Variants in PHTF2 observed in about 807,000 individuals in gnomAD.
PHTF2 encodes the protein putative homeodomain transcription factor 2.
In PHTF2, 60 loss-of-function variants were observed where a neutral mutation model predicts 101.2. That is an observed-to-expected ratio of 0.59 (90% confidence interval 0.48 to 0.73). The LOEUF (loss-of-function observed/expected upper bound fraction) is 0.73. PHTF2 is among the 30% of genes least tolerant of loss of function. The pLI, the probability that PHTF2 is intolerant of heterozygous loss-of-function variation, is 0.00. For missense variants in PHTF2, 747 were observed against 908.7 expected, an observed-to-expected ratio of 0.82 and a Z score of 2.29; for synonymous variants, 311 against 307.3, an observed-to-expected ratio of 1.01 and a Z score of -0.13.
At chr7:77,952,390 A>G (rs1032147992) in intron 18 of PHTF2, among the ~76,000 whole-genome samples, 1 of 152,206 alleles carries the variant, frequency 6.6e-6, no homozygotes, top group South Asian at 2.1e-4. Flanking sequence ...TCTTCAGTCA[A>G]CTAAACAGTG....
chr7:77,820,413 G>A (rs1310228098), intron 1 of PHTF2, among the ~76,000 whole-genome samples: 6 of 152,210 alleles, frequency 3.9e-5, no homozygotes, highest in Middle Eastern at 3.4e-3. Flanking sequence ...GTGCACAGGC[G>A]TGATCATAGC....
exon 7 of PHTF2, chr7:77,901,902 G>T: frequency 6.3e-7 from 1 of 1,587,476 alleles, no homozygotes; most frequent in East Asian, 2.3e-5. Flanking sequence ...CTGGCTTCTT[G>T]TCCTTTATCT....
chr7:77,832,299 A>T (rs1391857696), intron 1 of PHTF2, among the ~76,000 whole-genome samples: 1 of 152,150 alleles, frequency 6.6e-6, no homozygotes, highest in East Asian at 1.9e-4. Context: ...CTCAGCCAGG[A>T]CCTTCTTTCT....
chr7:77,888,118 G>GGTACTT (rs1317671837), intron 3 of PHTF2, among the ~76,000 whole-genome samples: 3 of 152,010 alleles, frequency 2.0e-5, no homozygotes, highest in African/African-American at 7.2e-5. Context: ...CAAAATGTTA[G>GGTACTT]GTACTTTTTT....
At chr7:77,832,030 G>A (rs949335093) in intron 1 of PHTF2, among the ~76,000 whole-genome samples, 2 of 149,316 alleles carry the variant, frequency 1.3e-5, no homozygotes, top group African/African-American at 5.1e-5. Context: ...GGTCTCTCCA[G>A]AGATTTTTTT....
chr7:77,850,455 A>G (rs909903612), intron 2 of PHTF2, among the ~76,000 whole-genome samples: 9 of 150,100 alleles, frequency 6.0e-5, no homozygotes, highest in Admixed American at 4.6e-4. Context: ...GCCAGGCAAC[A>G]TAGTGGGACC....
chr7:77,845,378 A>G (rs997294415), intron 2 of PHTF2, among the ~76,000 whole-genome samples: 2 of 152,208 alleles, frequency 1.3e-5, no homozygotes, highest in Admixed American at 6.5e-5. Context: ...TAAAACAGTG[A>G]ATTTAGCTTA....
intron 3 of PHTF2, among the ~76,000 whole-genome samples, chr7:77,858,995 G>A (rs1797403449): frequency 6.6e-6 from 1 of 152,258 alleles, no homozygotes; most frequent in East Asian, 1.9e-4. Flanking sequence ...CTTCTGGAGA[G>A]AGACTGTGAG....
intron 11 of PHTF2, among the ~76,000 whole-genome samples, chr7:77,928,751 C>T (rs904222641): frequency 1.3e-5 from 2 of 152,198 alleles, no homozygotes; most frequent in Admixed American, 6.5e-5. Flanking sequence ...CCATTAATAA[C>T]ATCAATTAAA....
At chr7:77,954,618 A>ATATATG (rs1806841639) in intron 19 of PHTF2, among the ~76,000 whole-genome samples, 1 of 112,570 alleles carries the variant, frequency 8.9e-6, no homozygotes, top group Non-Finnish European at 2.1e-5. Context: ...CTGTGTATAT[A>ATATATG]TATATATATA....
At chr7:77,870,214 T>C (rs1584541793) in intron 3 of PHTF2, among the ~76,000 whole-genome samples, 1 of 152,062 alleles carries the variant, frequency 6.6e-6, no homozygotes, top group East Asian at 1.9e-4. Context: ...TTTTATAGTG[T>C]TAGGTATTAC....
chr7:77,835,038 C>T (rs1025583500), intron 1 of PHTF2, among the ~76,000 whole-genome samples: 4 of 151,922 alleles, frequency 2.6e-5, no homozygotes, highest in African/African-American at 9.7e-5. Context: ...TTTTGGAGGC[C>T]GAGGCGGGCG....
At chr7:77,923,570 C>G in intron 11 of PHTF2, 1 of 985,372 alleles carries the variant, frequency 1.0e-6, no homozygotes. Context: ...GTTAATCTTT[C>G]TGGTGATTGT....
At chr7:77,843,899 A>T (rs1162960309) in intron 2 of PHTF2, among the ~76,000 whole-genome samples, 1 of 152,240 alleles carries the variant, frequency 6.6e-6, no homozygotes, top group Non-Finnish European at 1.5e-5. Flanking sequence ...TTTTGTGACT[A>T]TCATTCAATA....
intron 3 of PHTF2, among the ~76,000 whole-genome samples, chr7:77,887,464 A>C (rs549881246): frequency 6.6e-6 from 1 of 152,080 alleles, no homozygotes; most frequent in East Asian, 1.9e-4. Context: ...GTAATGGCTC[A>C]AACTTTAGAT....
intron 12 of PHTF2, 30 bp downstream of exon 11, chr7:77,929,357 C>CTATG: frequency 8.9e-7 from 1 of 1,122,000 alleles, no homozygotes. Context: ...TTATGTGGAG[C>CTATG]TATGAGTCAA....
chr7:77,905,413 G>A (rs1273528309), intron 7 of PHTF2, among the ~76,000 whole-genome samples: 1 of 151,880 alleles, frequency 6.6e-6, no homozygotes, highest in Non-Finnish European at 1.5e-5. Flanking sequence ...TTTTATTTTT[G>A]TAGAGATGGG....
At chr7:77,840,824 G>A (rs891327451) in intron 2 of PHTF2, among the ~76,000 whole-genome samples, 4 of 151,960 alleles carry the variant, frequency 2.6e-5, no homozygotes, top group Non-Finnish European at 5.9e-5. Context: ...CCAATGTAAT[G>A]TTTTTCTTTA....
intron 3 of PHTF2, among the ~76,000 whole-genome samples, chr7:77,857,200 T>C (rs1797252171): frequency 6.6e-6 from 1 of 152,228 alleles, no homozygotes; most frequent in Admixed American, 6.5e-5. Flanking sequence ...AGACTCTTGC[T>C]TCTTTCATGG....
Sources: gnomAD v4.1 joint callset for allele counts (sites outside exome capture counted in the v4.1 genomes callset) on GRCh38, gnomAD v4.1.1 for gene constraint, MANE v1.5 for transcripts, NCBI Gene and HGNC (gene_info 2026-07-23, HGNC 2026-07-21) for gene names.